The following ARSF variants were observed in gnomAD, a reference collection of about 807,000 sequenced individuals.
ARSF encodes the protein arylsulfatase F.
Under a neutral mutation model 35.4 loss-of-function variants are expected in ARSF, and 33 were observed. That is an observed-to-expected ratio of 0.93 (90% CI 0.71 to 1.25). ARSF has a LOEUF of 1.25. ARSF is among the 50% of genes most tolerant of loss of function. The pLI is 0.00. For missense variants in ARSF, 501 were observed against 480.2 expected (o/e 1.04, Z -0.40); for synonymous variants, 222 against 193.1 (o/e 1.15, Z -1.24).
chrX:3,051,164 A>G (rs2089995883), intron 1 of ARSF, among the ~76,000 whole-genome samples: 2 of 111,520 alleles, frequency 1.8e-5, no homozygotes, highest in South Asian at 3.8e-4. Flanking sequence ...GAGAAAATCT[A>G]TGCATCTATC....
chrX:3,044,034 G>A (rs903941135), intron 1 of ARSF, among the ~76,000 whole-genome samples: 3 of 111,479 alleles, frequency 2.7e-5, no homozygotes, highest in East Asian at 2.8e-4. Context: ...CGATCCACCC[G>A]TCTTGGCCTC....
At chrX:3,076,386 C>T (rs186997660) in intron 3 of ARSF, among the ~76,000 whole-genome samples, 162 bp from the exon 4 acceptor site, 2 of 109,177 alleles carry the variant, frequency 1.8e-5, no homozygotes, top group South Asian at 4.1e-4. Flanking sequence ...CTCTCTGCCT[C>T]GCTTTCTGGG....
intron 7 of ARSF, among the ~76,000 whole-genome samples, chrX:3,092,172 GATAGATACATACATAC>G (rs1312308518): frequency 4.4e-4 from 11 of 25,182 alleles, no homozygotes; most frequent in East Asian, 5.3e-3. Flanking sequence ...ATAGATGATA[GATAGATACATACATAC>G]ATACATACAT....
chrX:3,070,938 GGTGTGTGT>G (rs36129786), intron 2 of ARSF, among the ~76,000 whole-genome samples: 222 of 95,167 alleles, frequency 2.3e-3, no homozygotes, highest in African/African-American at 8.0e-3. Flanking sequence ...AGTATTCCAT[GGTGTGTGT>G]GTGTGTGTGT....
intron 1 of ARSF, among the ~76,000 whole-genome samples, chrX:3,046,566 T>C (rs774706497): frequency 8.5e-4 from 95 of 111,815 alleles, no homozygotes; most frequent in Middle Eastern, 4.6e-3. Context: ...GGGAATTTCG[T>C]TCACTGGATA....
intron 1 of ARSF, among the ~76,000 whole-genome samples, chrX:3,064,033 A>T (rs2090053332): frequency 8.9e-6 from 1 of 111,870 alleles, no homozygotes; most frequent in Non-Finnish European, 1.9e-5. Context: ...CGGAGGCACC[A>T]TGCTACCTGA....
chrX:3,102,606 A>G (rs754608318), intron 8 of ARSF, among the ~76,000 whole-genome samples: 1 of 112,438 alleles, frequency 8.9e-6, no homozygotes, highest in East Asian at 2.8e-4. Flanking sequence ...CATGTTAGAC[A>G]TTGTATGTTT....
At chrX:3,077,586 C>A (rs1262235645) in intron 4 of ARSF, among the ~76,000 whole-genome samples, 2 of 108,250 alleles carry the variant, frequency 1.8e-5, no homozygotes, top group Non-Finnish European at 3.8e-5. Context: ...TTGCAGTGAG[C>A]CAAGATTGTG....
chrX:3,051,060 C>T (rs778000037), intron 1 of ARSF, among the ~76,000 whole-genome samples: 15 of 111,380 alleles, frequency 1.3e-4, no homozygotes, highest in African/African-American at 4.9e-4. Context: ...GCCTGACATT[C>T]CTGGTGGGGC....
chrX:3,082,809 C>T (rs1299635619), intron 5 of ARSF, among the ~76,000 whole-genome samples: 1 of 111,114 alleles, frequency 9.0e-6, no homozygotes, highest in East Asian at 2.8e-4. Context: ...TTATCCATAT[C>T]TTACCTGTCT....
At chrX:3,043,857 C>T (rs944339766) in intron 1 of ARSF, among the ~76,000 whole-genome samples, 2 of 111,365 alleles carry the variant, frequency 1.8e-5, no homozygotes, top group Non-Finnish European at 3.8e-5. Context: ...TCTTGGTTCA[C>T]TGTTCCCTTG....
intron 1 of ARSF, among the ~76,000 whole-genome samples, chrX:3,067,487 T>C (rs769257012): frequency 9.0e-6 from 1 of 111,125 alleles, no homozygotes; most frequent in South Asian, 3.8e-4. Flanking sequence ...GCTTTCTGAG[T>C]TTAAACTTTT....
intron 1 of ARSF, among the ~76,000 whole-genome samples, chrX:3,061,747 C>G (rs749409314): frequency 1.7e-4 from 19 of 111,503 alleles, no homozygotes; most frequent in African/African-American, 6.2e-4. Flanking sequence ...AACAAGAAGA[C>G]CTAACTATCC....
chrX:3,092,573 C>G (rs1029544304), intron 7 of ARSF, among the ~76,000 whole-genome samples: 2 of 111,644 alleles, frequency 1.8e-5, no homozygotes, highest in African/African-American at 6.5e-5. Flanking sequence ...TGTGTTGAAT[C>G]TGGTTGGACA....
intron 8 of ARSF, among the ~76,000 whole-genome samples, chrX:3,102,290 A>G (rs1032214347): frequency 4.5e-5 from 5 of 111,305 alleles, no homozygotes; most frequent in African/African-American, 1.6e-4. Flanking sequence ...ACTCCCAATC[A>G]TTCCCCAAAG....
At chrX:3,098,981 A>G (rs1437767801) in intron 7 of ARSF, among the ~76,000 whole-genome samples, 8 of 110,083 alleles carry the variant, frequency 7.3e-5, no homozygotes, top group East Asian at 2.9e-4. Context: ...ATCTTTCCCA[A>G]TTGTTAGCAA....
chrX:3,086,844 G>A (rs948138173), intron 6 of ARSF, among the ~76,000 whole-genome samples: 5 of 111,383 alleles, frequency 4.5e-5, no homozygotes, highest in African/African-American at 1.3e-4. Flanking sequence ...TACCACAAAT[G>A]TAGTGGCCTA....
intron 7 of ARSF, among the ~76,000 whole-genome samples, chrX:3,093,504 G>A (rs181650346): frequency 1.8e-5 from 2 of 111,662 alleles, no homozygotes; most frequent in African/African-American, 6.5e-5. Context: ...ATGAGAACAT[G>A]TGGTAGTTGG....
chrX:3,051,122 C>A (rs955053020), intron 1 of ARSF, among the ~76,000 whole-genome samples: 1 of 111,480 alleles, frequency 9.0e-6, no homozygotes, highest in African/African-American at 3.3e-5. Flanking sequence ...CCTACTGTAA[C>A]AATAACTGAA....
Sources: allele counts gnomAD v4.1 joint callset (sites outside exome capture counted in the v4.1 genomes callset), GRCh38; gene constraint gnomAD v4.1.1; transcripts MANE v1.5; gene names NCBI Gene and HGNC (gene_info 2026-07-23, HGNC 2026-07-21).